The following ZNRF3 variants were observed in gnomAD, a reference collection of about 807,000 sequenced individuals.
ZNRF3 encodes the protein E3 ubiquitin-protein ligase ZNRF3.
Under a neutral mutation model 72.5 loss-of-function variants are expected in ZNRF3, and 23 were observed. The observed-to-expected ratio is 0.32, with a 90% confidence interval of 0.23 to 0.45. The LOEUF is 0.45. ZNRF3 is among the 20% of genes least tolerant of loss of function. The probability of loss-of-function intolerance (pLI) is 1.00; values close to 1 mark genes in which losing one functional copy is unlikely to be tolerated. For missense variants in ZNRF3, 1,169 were observed against 1,272.1 expected (o/e 0.92, Z 1.23); for synonymous variants, 610 against 545.3 (o/e 1.12, Z -1.65).
intron 2 of ZNRF3, among the ~76,000 whole-genome samples, chr22:28,988,434 GGTCT>G: frequency 6.6e-6 from 1 of 152,126 alleles, no homozygotes; most frequent in Admixed American, 6.5e-5. Flanking sequence ...TACCCTCACA[GGTCT>G]AATCTTTTTG....
intron 5 of ZNRF3, among the ~76,000 whole-genome samples, chr22:29,045,362 C>CAAAAAAAA (rs59285656): frequency 2.0e-5 from 2 of 97,604 alleles, no homozygotes; most frequent in African/African-American, 4.0e-5. Context: ...CCCTGTCTCA[C>CAAAAAAAA]AAAAAAAAAA....
intron 1 of ZNRF3, among the ~76,000 whole-genome samples, chr22:28,932,797 C>G (rs2123779355): frequency 6.6e-6 from 1 of 152,330 alleles, no homozygotes; most frequent in African/African-American, 2.4e-5. Context: ...CCATCAGGAG[C>G]TCTGCACTTG....
At position 28,955,032 on chromosome 22, in the gene ZNRF3, G is replaced by GTT. The variant is rs372334361; in HGVS notation, c.301-32032_301-32031dup. Among the ~76,000 whole-genome samples the GTT allele has an allele frequency of 5.9e-3, 807 of 136,828 alleles. 6 individuals carry two copies. Among genetic ancestry groups the GTT allele is most frequent in the East Asian group, 9.2e-3 (42 of 4,578 alleles). The allele number at this position is 136,828 out of a possible 152,430, so 89.8% of individuals were successfully genotyped here. A position where few individuals can be genotyped will look rare whatever the true frequency, so the allele number is the denominator to read the frequency against. ...TTTGGTGGAAAATGGTATTTTTGGT[G>GTT]TTTTTTTTTTTTTGTTTTTTTTTTT... On this transcript the variant is annotated intron_variant, in intron 1 of 8. Transcript: ENST00000544604.
chr22:28,984,275 A>G (rs1601629300), intron 1 of ZNRF3, among the ~76,000 whole-genome samples: 1 of 152,088 alleles, frequency 6.6e-6, no homozygotes, highest in African/African-American at 2.4e-5. Context: ...CATCACCCAG[A>G]AGGAAGCCCT....
In ZNRF3 at chr22:29,053,768, A is replaced by G. The variant is rs2037252472; in HGVS notation, c.*146A>G. The stretch of plus-strand genomic sequence containing the variant: ...AGAGAGCCCTCCTTGTCAACCCAAA[A>G]TGTGAGCCCCCTGTGGCAAAACCAC... On this transcript the variant is annotated 3_prime_UTR_variant, in exon 9 of 9. Transcript: ENST00000544604. 1.4e-6 allele frequency: 1 copy of G among 730,526 alleles called. No individual in the cohort carries two copies. Among genetic ancestry groups the G allele is most frequent in the Admixed American group, 3.1e-5 (1 of 32,076 alleles). The allele number at this position is 730,526 out of a possible 1,614,324, so 45.3% of individuals were successfully genotyped here. A position where few individuals can be genotyped will look rare whatever the true frequency, so the allele number is the denominator to read the frequency against.
rs550759942 is a variant in ZNRF3, at chr22:28,987,060, C to A, written c.301-16C>A. Reference sequence around the variant, plus strand: ...TAGCTTGCCTGCTGAAGTTTTCTTTCCATTTTATTTCCTAGATGCACCCAC... The same window carrying A: ...TAGCTTGCCTGCTGAAGTTTTCTTTACATTTTATTTCCTAGATGCACCCAC... On this transcript the variant is annotated splice_polypyrimidine_tract_variant and intron_variant, in intron 1 of 8. Coordinates refer to ENST00000544604, the MANE Select transcript of ZNRF3 (RefSeq NM_001206998.2). 374 of 1,600,666 alleles carry A rather than the reference C, an allele frequency of 2.3e-4. 3 individuals are homozygous for A. In the South Asian group the frequency reaches 3.1e-3, roughly 13 times the overall value.
chr22:28,961,994 C>T (rs1037215377), intron 1 of ZNRF3, among the ~76,000 whole-genome samples: 8 of 152,162 alleles, frequency 5.3e-5, no homozygotes, highest in African/African-American at 1.9e-4. Context: ...TTTAAGATAT[C>T]TTGAGGAGAA....
At chr22:28,921,070 A>C (rs1451501115) in intron 1 of ZNRF3, among the ~76,000 whole-genome samples, 1 of 152,236 alleles carries the variant, frequency 6.6e-6, no homozygotes, top group African/African-American at 2.4e-5. Flanking sequence ...CAGTCAGAGG[A>C]GTAGGAGGGC....
At chr22:29,007,637 A>C (rs1194243492) in intron 2 of ZNRF3, among the ~76,000 whole-genome samples, 2 of 152,066 alleles carry the variant, frequency 1.3e-5, no homozygotes, top group African/African-American at 4.8e-5. Context: ...TCTAGAAAAC[A>C]AATCTCTCCT....
chr22:29,010,608 C>T (rs1196539253), intron 2 of ZNRF3, among the ~76,000 whole-genome samples: 1 of 152,138 alleles, frequency 6.6e-6, no homozygotes, highest in Non-Finnish European at 1.5e-5. Context: ...TAGTCTTTCT[C>T]ATCCTGTGGC....
At chr22:29,027,786 C>A (rs1488437746) in intron 2 of ZNRF3, among the ~76,000 whole-genome samples, 1 of 151,318 alleles carries the variant, frequency 6.6e-6, no homozygotes, top group Non-Finnish European at 1.5e-5. Context: ...CACATGCTCA[C>A]AGTCACAGAG....
intron 2 of ZNRF3, among the ~76,000 whole-genome samples, chr22:29,009,641 A>G (rs2036315441): frequency 6.6e-6 from 1 of 152,146 alleles, no homozygotes; most frequent in Admixed American, 6.5e-5. Flanking sequence ...CTTAAAATCC[A>G]AGAAGATTTT....
In ZNRF3 at chr22:28,987,535, CT is replaced by C. The variant is rs552379621; in HGVS notation, c.426+336del. Among the ~76,000 whole-genome samples the C allele has an allele frequency of 3.9e-5, 6 of 152,296 alleles. No individual in the cohort carries two copies. In the South Asian group the frequency reaches 1.2e-3, roughly 32 times the overall value. On this transcript the variant is annotated intron_variant, in intron 2 of 8. Coordinates refer to ENST00000544604, the MANE Select transcript of ZNRF3 (RefSeq NM_001206998.2). ...GATTCACAATACTTTATCTTACACCCTTGGGCCAGATGTTTCAGAATTCTGA... is the reference window on the plus strand; with the variant it reads ...GATTCACAATACTTTATCTTACACCCTGGGCCAGATGTTTCAGAATTCTGA...
intron 1 of ZNRF3, among the ~76,000 whole-genome samples, chr22:28,902,924 A>G (rs1308068856): frequency 6.6e-6 from 1 of 152,234 alleles, no homozygotes; most frequent in African/African-American, 2.4e-5. Flanking sequence ...TAGCTTATCA[A>G]AGTTAAAGGA....
At chr22:29,017,506 G>A (rs1468985521) in intron 2 of ZNRF3, among the ~76,000 whole-genome samples, 1 of 152,202 alleles carries the variant, frequency 6.6e-6, no homozygotes, top group African/African-American at 2.4e-5. Flanking sequence ...CAAATCAAGT[G>A]TGAACGCAGA....
intron 1 of ZNRF3, among the ~76,000 whole-genome samples, chr22:28,941,701 A>G (rs1038776132): frequency 9.2e-5 from 14 of 152,092 alleles, no homozygotes; most frequent in South Asian, 2.1e-4. Context: ...GGGTCACTTG[A>G]GGCCCAAAGT....
At chr22:29,033,555 T>G (rs1167997732) in intron 2 of ZNRF3, among the ~76,000 whole-genome samples, 1 of 151,940 alleles carries the variant, frequency 6.6e-6, no homozygotes, top group Non-Finnish European at 1.5e-5. Context: ...GGCAGGGGCG[T>G]GCAAGGTGGG....
At chr22:28,955,243 G>A (rs1020853617) in intron 1 of ZNRF3, among the ~76,000 whole-genome samples, 5 of 151,882 alleles carry the variant, frequency 3.3e-5, no homozygotes, top group African/African-American at 1.2e-4. Context: ...GAGTCTTGGT[G>A]TGTTGCCCAG....
intron 2 of ZNRF3, among the ~76,000 whole-genome samples, chr22:29,039,049 C>A (rs2036912574): frequency 6.6e-6 from 1 of 152,074 alleles, no homozygotes; most frequent in Non-Finnish European, 1.5e-5. Context: ...GGATTACAGG[C>A]CCGTGCAACT....
Sources: gnomAD v4.1 joint callset for allele counts (sites outside exome capture counted in the v4.1 genomes callset) on GRCh38, gnomAD v4.1.1 for gene constraint, MANE v1.5 for transcripts, NCBI Gene and HGNC (gene_info 2026-07-23, HGNC 2026-07-21) for gene names.